The following BCL2L14 variants were observed in gnomAD, a reference collection of about 807,000 sequenced individuals.
BCL2L14 encodes the protein apoptosis facilitator Bcl-2-like protein 14.
In BCL2L14, 27 loss-of-function variants were observed where a neutral mutation model predicts 35.3. The observed-to-expected ratio is 0.76, with a 90% CI of 0.56 to 1.05. BCL2L14 has a LOEUF of 1.05. BCL2L14 is among the 50% of genes least tolerant of loss of function. The pLI, the probability that BCL2L14 is intolerant of heterozygous loss-of-function variation, is 0.00. For synonymous variants in BCL2L14, 139 were observed against 145.9 expected (o/e 0.95, Z 0.34); for missense variants, 377 against 382.6 (o/e 0.99, Z 0.12).
At position 12,094,812 on chromosome 12, in the gene BCL2L14, T is replaced by C. The variant is rs1555095465; in HGVS notation, c.827T>C (p.Ile276Thr). 1.9e-6 allele frequency: 3 copies of C among 1,614,152 alleles called. No individual in the cohort carries two copies. The South Asian group carries it at 3.3e-5, about 18-fold the overall frequency. ...KAQGFKAALV[I>T]DVTAKLTAID... ...CAGGGCTTTAAGGCTGCCCTTGTAA[T>C]AGACGTCACGGCCAAGCTCACAGCT... Residue 276 changes from isoleucine (I) to threonine (T), a missense_variant, in exon 5 of 6, where the codon ATA becomes ACA. Physicochemically the swap from Ile to Thr is moderately conservative, Grantham distance 89. Transcript: ENST00000308721.
At chr12:12,086,723 G>GA (rs1207871269) in intron 2 of BCL2L14, among the ~76,000 whole-genome samples, 1 of 152,232 alleles carries the variant, frequency 6.6e-6, no homozygotes, top group East Asian at 1.9e-4. Context: ...CTTGGATGAT[G>GA]AATCTCATTG....
At chr12:12,090,977 T>G (rs2136774358) in intron 4 of BCL2L14, 128 bp downstream of exon 4, 1 of 543,980 alleles carries the variant, frequency 1.8e-6, no homozygotes, top group African/African-American at 2.0e-5. Context: ...GTCCTAAATT[T>G]TATTTCCCTT....
At chr12:12,097,944 C>CT (rs1216153334) in intron 5 of BCL2L14, among the ~76,000 whole-genome samples, 1 of 152,038 alleles carries the variant, frequency 6.6e-6, no homozygotes, top group African/African-American at 2.4e-5. Flanking sequence ...TATCATAAAC[C>CT]TTAATCTTAA....
Position 12,099,433 on chromosome 12 carries a change from A to C in BCL2L14, c.*445A>C, listed in dbSNP as rs1341556387. On this transcript the variant is annotated 3_prime_UTR_variant, in exon 6 of 6. Transcript: ENST00000308721. ...ACTTGGGGTGGCCTAATACCTAGGA[A>C]GATGTTGCTATTCACGTTAGTAAAC... The C allele has an allele frequency of 6.3e-6, 1 of 158,446 alleles. No homozygotes were observed. Among genetic ancestry groups the C allele is most frequent in the African/African-American group, 2.4e-5 (1 of 41,554 alleles). 9.8% of individuals were successfully genotyped at this position (158,446 alleles called of 1,614,324 possible).
upstream of BCL2L14, among the ~76,000 whole-genome samples, chr12:12,066,421 C>T (rs987010832): frequency 3.9e-5 from 6 of 152,298 alleles, no homozygotes; most frequent in Middle Eastern, 3.4e-3. Context: ...CAGTGATGGG[C>T]AAAAACCCCA....
intron 2 of BCL2L14, among the ~76,000 whole-genome samples, chr12:12,082,825 T>C (rs1034865507): frequency 1.3e-5 from 2 of 152,188 alleles, no homozygotes; most frequent in Non-Finnish European, 2.9e-5. Flanking sequence ...ATTTAGTCAG[T>C]TAATTGTGTG....
At chr12:12,086,648 A>G (rs946422832) in intron 2 of BCL2L14, among the ~76,000 whole-genome samples, 1 of 152,250 alleles carries the variant, frequency 6.6e-6, no homozygotes, top group Non-Finnish European at 1.5e-5. Context: ...TCCAGTAGAC[A>G]TGGAGAGGAG....
rs1241804079 is a variant in BCL2L14 at position 12,090,869 on chromosome 12, G to T, written c.678+20G>T. Reference sequence around the variant, plus strand: ...AGAAAGGTATGGAACACCTTGAACTGATGCGATTGATTTCTGTGCCCATGC... The same window carrying T: ...AGAAAGGTATGGAACACCTTGAACTTATGCGATTGATTTCTGTGCCCATGC... On this transcript the variant is annotated intron_variant, in intron 4 of 5. Coordinates refer to ENST00000308721, the MANE Select transcript of BCL2L14 (RefSeq NM_138723.2). The T allele has an allele frequency of 2.5e-6, 4 of 1,584,456 alleles. No homozygotes were observed. Among genetic ancestry groups the T allele is most frequent in the Non-Finnish European group, 3.4e-6 (4 of 1,159,998 alleles).
chr12:12,060,802 G>A (rs1389987768), intron 2 of BCL2L14, among the ~76,000 whole-genome samples: 1 of 130,292 alleles, frequency 7.7e-6, no homozygotes, highest in African/African-American at 3.0e-5. Context: ...CAGAGCCCCT[G>A]GAACTCTGGC....
chr12:12,086,091 A>C (rs1949037122), intron 2 of BCL2L14, among the ~76,000 whole-genome samples: 1 of 152,058 alleles, frequency 6.6e-6, no homozygotes. Context: ...ATGTGGGAGG[A>C]TTGCTTGCGC....
chr12:12,088,297 A>G (rs1293938053), intron 3 of BCL2L14, among the ~76,000 whole-genome samples: 1 of 152,168 alleles, frequency 6.6e-6, no homozygotes. Context: ...TCTGATTTAC[A>G]TAGGATCCAA....
At chr12:12,053,572 C>T (rs4315210) in intron 2 of BCL2L14, among the ~76,000 whole-genome samples, 122,595 of 151,226 alleles carry the variant, frequency 0.81, 49,773 homozygotes, top group East Asian at 0.98. Context: ...AGGCATGTGC[C>T]ACCACACCCG....
intron 2 of BCL2L14, among the ~76,000 whole-genome samples, chr12:12,058,857 G>GT (rs1199230902): frequency 1.3e-5 from 2 of 152,198 alleles, no homozygotes; most frequent in Non-Finnish European, 2.9e-5. Context: ...TTTGCTCCGT[G>GT]AGAAAGATCC....
chr12:12,096,339 C>A, intron 5 of BCL2L14: 1 of 229,830 alleles, frequency 4.4e-6, no homozygotes, highest in Non-Finnish European at 7.1e-6. Flanking sequence ...TATTAAAAAG[C>A]AGTGGTTCTA....
At chr12:12,054,648 A>G (rs1303810941) in intron 2 of BCL2L14, 1 of 151,796 alleles carries the variant, frequency 6.6e-6, no homozygotes, top group Non-Finnish European at 1.5e-5. Flanking sequence ...ATCTAAGTCA[A>G]TCATGAAAAA....
upstream of BCL2L14, among the ~76,000 whole-genome samples, chr12:12,069,705 C>G (rs1380512212): frequency 2.3e-5 from 1 of 42,686 alleles, no homozygotes; most frequent in Non-Finnish European, 5.5e-5. Flanking sequence ...AAGACTCCGT[C>G]TCAAAAAAAA....
Position 12,087,200 on chromosome 12 carries a change from T to C in BCL2L14, c.434-13T>C. On this transcript the variant is annotated splice_polypyrimidine_tract_variant and intron_variant, in intron 2 of 5. Transcript: ENST00000308721. ...TGGGAAGGGCCTCTCAGCACCATTTTGTCTTGTTTCAGCTGTGGACCCCAA... is the reference window on the plus strand; with the variant it reads ...TGGGAAGGGCCTCTCAGCACCATTTCGTCTTGTTTCAGCTGTGGACCCCAA... 3.1e-6 allele frequency: 5 copies of C among 1,613,388 alleles called. No homozygotes were observed. The highest frequency in any genetic ancestry group is 4.2e-6 in the Non-Finnish European group (5 of 1,179,522).
rs1019447152 is a variant in BCL2L14, at chr12:12,095,153, T to C, written c.945+223T>C. Reference sequence around the variant, plus strand: ...GAGCTCTCCAAGGGTATGCAGGGTATGTGTGGATGGAAAGGGACTGGTCAG... The same window carrying C: ...GAGCTCTCCAAGGGTATGCAGGGTACGTGTGGATGGAAAGGGACTGGTCAG... On this transcript the variant is annotated intron_variant, in intron 5 of 5. Transcript: ENST00000308721. 6.1e-6 allele frequency: 6 copies of C among 985,218 alleles called. No homozygotes were observed. In the Admixed American group the frequency reaches 2.5e-4, roughly 40 times the overall value. The allele number at this position is 985,218 out of a possible 1,614,324, so 61.0% of individuals were successfully genotyped here. A position where few individuals can be genotyped will look rare whatever the true frequency, so the allele number is the denominator to read the frequency against.
chr12:12,068,028 C>A, upstream of BCL2L14: 1 of 390,822 alleles, frequency 2.6e-6, no homozygotes, highest in East Asian at 3.6e-5. Context: ...AAGCCCCCGG[C>A]CCCCTGCCAG....
Sources: gnomAD v4.1 joint callset for allele counts (sites outside exome capture counted in the v4.1 genomes callset) on GRCh38, gnomAD v4.1.1 for gene constraint, MANE v1.5 for transcripts, NCBI Gene and HGNC (gene_info 2026-07-23, HGNC 2026-07-21) for gene names.